RASSF3: variants seen among roughly 807,000 people sequenced by gnomAD.
RASSF3 encodes Ras association domain family member 3.
In RASSF3, 19 loss-of-function variants were observed where a neutral mutation model predicts 19.9. The observed-to-expected ratio is 0.96, with a 90% CI of 0.67 to 1.40. RASSF3 has a LOEUF of 1.40. Ranked by LOEUF, RASSF3 falls within the 40% of genes most tolerant of loss-of-function variation. The pLI, the probability that RASSF3 is intolerant of heterozygous loss-of-function variation, is 0.00. For synonymous variants in RASSF3, 110 were observed against 104.2 expected (o/e 1.06, Z -0.34); for missense variants, 306 against 289.8 (o/e 1.06, Z -0.41).
intron 1 of RASSF3, among the ~76,000 whole-genome samples, chr12:64,673,295 T>G (rs186704669): frequency 3.3e-5 from 5 of 152,306 alleles, no homozygotes; most frequent in Admixed American, 2.6e-4. Context: ...GGTGCTTGTG[T>G]CACCACTCGG....
At chr12:64,675,443 C>A (rs890112398) in intron 1 of RASSF3, among the ~76,000 whole-genome samples, 1 of 152,096 alleles carries the variant, frequency 6.6e-6, no homozygotes, top group Non-Finnish European at 1.5e-5. Context: ...AGCCACTGTG[C>A]CCGGCCTGGT....
chr12:64,677,751 G>T (rs1223462676), intron 1 of RASSF3, among the ~76,000 whole-genome samples: 2 of 152,184 alleles, frequency 1.3e-5, no homozygotes, highest in Non-Finnish European at 2.9e-5. Context: ...GTTTAGCTCT[G>T]TGTGACAGTT....
chr12:64,638,280 A>G (rs987451950), intron 1 of RASSF3, among the ~76,000 whole-genome samples: 15 of 152,298 alleles, frequency 9.8e-5, no homozygotes, highest in African/African-American at 3.4e-4. Flanking sequence ...GCATACGGTA[A>G]TTCTATAAAA....
At chr12:64,578,550 T>A (rs1210763220) in intron 2 of RASSF3, among the ~76,000 whole-genome samples, 1 of 152,164 alleles carries the variant, frequency 6.6e-6, no homozygotes. Flanking sequence ...TCCCTGCTCC[T>A]CTGGACACTG....
Position 64,553,870 on chromosome 12 carries a change from G to A in RASSF3, c.294+12165G>A, listed in dbSNP as rs142176339. Among the ~76,000 whole-genome samples the A allele has an allele frequency of 3.0e-4, 46 of 151,672 alleles. No individual in the cohort carries two copies. In the East Asian group the frequency reaches 6.4e-3, roughly 21 times the overall value. ...CATGTACTTGTAATCTTAGCAACTCGAGAGGCTGAGGTGGGAGGATTCCCT... is the reference window on the plus strand; with the variant it reads ...CATGTACTTGTAATCTTAGCAACTCAAGAGGCTGAGGTGGGAGGATTCCCT... On this transcript the variant is annotated intron_variant, in intron 2 of 5. Coordinates refer to the RASSF3 transcript ENST00000637125.
chr12:64,690,159 A>G (rs1183718832), intron 3 of RASSF3, among the ~76,000 whole-genome samples: 1 of 151,094 alleles, frequency 6.6e-6, no homozygotes, highest in Non-Finnish European at 1.5e-5. Flanking sequence ...TTTGGATGGT[A>G]TATACATTTT....
At chr12:64,529,658 G>A (rs532492191), upstream of RASSF3, among the ~76,000 whole-genome samples, 1 of 152,246 alleles carries the variant, frequency 6.6e-6, no homozygotes, top group South Asian at 2.1e-4. Context: ...AGCCATACCT[G>A]AATGTAGTCT....
chr12:64,558,973 C>G (rs1233370464), intron 2 of RASSF3, among the ~76,000 whole-genome samples: 1 of 152,206 alleles, frequency 6.6e-6, no homozygotes, highest in Non-Finnish European at 1.5e-5. Flanking sequence ...TACTGTCTCA[C>G]AGCTCCCTTC....
At chr12:64,515,215 C>T (rs1868355101) in intron 1 of RASSF3, among the ~76,000 whole-genome samples, 2 of 152,202 alleles carry the variant, frequency 1.3e-5, no homozygotes, top group South Asian at 4.2e-4. Flanking sequence ...CACCACCACA[C>T]CCAGCTAATT....
chr12:64,641,256 C>A lies in RASSF3; in HGVS notation c.111+30513C>A, dbSNP rs979887215. Among the ~76,000 whole-genome samples, 5 of 151,214 alleles carry A rather than the reference C, an allele frequency of 3.3e-5. 1 individual carries two copies. Among genetic ancestry groups the A allele is most frequent in the Non-Finnish European group, 7.4e-5 (5 of 67,816 alleles). On this transcript the variant is annotated intron_variant, in intron 1 of 4. Coordinates refer to ENST00000542104, the MANE Select transcript of RASSF3 (RefSeq NM_178169.4). ...ACTAAATATACAAAAACTAGCTGGG[C>A]GTGGTGGTGTGTGCCTGTAATCCCA...
chr12:64,615,735 G>C (rs904301931), intron 1 of RASSF3, among the ~76,000 whole-genome samples: 5 of 151,764 alleles, frequency 3.3e-5, no homozygotes, highest in African/African-American at 1.2e-4. Flanking sequence ...GAGTGCAGTG[G>C]TGTGATCTCG....
chr12:64,651,688 A>G (rs1330575734), intron 1 of RASSF3, among the ~76,000 whole-genome samples: 2 of 152,004 alleles, frequency 1.3e-5, no homozygotes, highest in Non-Finnish European at 2.9e-5. Context: ...TTGTTGAGAC[A>G]TGGTCTCACT....
At chr12:64,515,997 T>A (rs530385266) in intron 1 of RASSF3, among the ~76,000 whole-genome samples, 62 of 152,316 alleles carry the variant, frequency 4.1e-4, no homozygotes, top group African/African-American at 1.4e-3. Context: ...TATCAATGGA[T>A]TTAAAAACTG....
chr12:64,599,817 G>A (rs1870058303), intron 2 of RASSF3, among the ~76,000 whole-genome samples: 1 of 151,992 alleles, frequency 6.6e-6, no homozygotes, highest in South Asian at 2.1e-4. Flanking sequence ...TGAATCACGA[G>A]GTCAGGAGAT....
rs531685367 is a variant in RASSF3, at chr12:64,512,809, A to G, written c.169+5480A>G. Reference sequence around the variant, plus strand: ...CTAATGAGCAATCTTACTCATATCAATGTTCCTCAAAGTGGTCACTACAAC... The same window carrying G: ...CTAATGAGCAATCTTACTCATATCAGTGTTCCTCAAAGTGGTCACTACAAC... On this transcript the variant is annotated intron_variant, in intron 1 of 5. Coordinates refer to the RASSF3 transcript ENST00000637125. Among the ~76,000 whole-genome samples the G allele has an allele frequency of 4.6e-5, 7 of 152,318 alleles. No individual in the cohort carries two copies. The South Asian group carries it at 1.4e-3, about 32-fold the overall frequency.
chr12:64,529,853 GACAA>G (rs1868667937), upstream of RASSF3, among the ~76,000 whole-genome samples: 1 of 152,128 alleles, frequency 6.6e-6, no homozygotes, highest in Non-Finnish European at 1.5e-5. Context: ...GTATTACTAT[GACAA>G]ACAGAAGAGA....
intron 1 of RASSF3, among the ~76,000 whole-genome samples, chr12:64,637,003 T>C (rs1871349096): frequency 1.3e-5 from 2 of 152,154 alleles, no homozygotes; most frequent in South Asian, 4.1e-4. Flanking sequence ...CATGAGAGTC[T>C]TGCTTCCTCC....
chr12:64,684,228 G>A (rs1349290101), intron 1 of RASSF3, among the ~76,000 whole-genome samples: 1 of 151,152 alleles, frequency 6.6e-6, no homozygotes, highest in Admixed American at 6.6e-5. Flanking sequence ...TGCGACTACA[G>A]GTGTGCACCA....
chr12:64,579,335 A>T (rs1869648538), intron 2 of RASSF3, among the ~76,000 whole-genome samples: 1 of 148,706 alleles, frequency 6.7e-6, no homozygotes, highest in South Asian at 2.1e-4. Context: ...ATTATTAGCA[A>T]TAGCCAAGTT....
Sources: allele counts gnomAD v4.1 joint callset (sites outside exome capture counted in the v4.1 genomes callset), GRCh38; gene constraint gnomAD v4.1.1; transcripts MANE v1.5; gene names NCBI Gene and HGNC (gene_info 2026-07-23, HGNC 2026-07-21).